The following MECOM variants were observed in gnomAD, a reference collection of about 807,000 sequenced individuals.
The protein encoded by MECOM is histone-lysine N-methyltransferase MECOM.
A neutral mutation model predicts 116.3 loss-of-function variants in MECOM; 13 were observed. The ratio of observed to expected loss-of-function variants is 0.11; its 90% CI spans 0.07 to 0.18. MECOM has a LOEUF of 0.18. Ranked by LOEUF, MECOM falls within the 10% of genes least tolerant of loss-of-function variation. The pLI is 1.00. For missense variants in MECOM, 1,299 were observed against 1,509.0 expected (o/e 0.86, Z 2.31); for synonymous variants, 528 against 535.2 (o/e 0.99, Z 0.19).
At chr3:169,088,857 T>A in intron 16 of MECOM, 143 bp downstream of exon 16, 1 of 657,676 alleles carries the variant, frequency 1.5e-6, no homozygotes, top group Non-Finnish European at 2.3e-6. Flanking sequence ...ACAGTAAAGA[T>A]ATGAACATTT....
intron 2 of MECOM, among the ~76,000 whole-genome samples, chr3:169,322,997 T>TAAAAA (rs748984561): frequency 1.4e-4 from 8 of 56,046 alleles, no homozygotes; most frequent in African/African-American, 3.5e-4. Context: ...AAGACTCCGG[T>TAAAAA]AAAAAAAAAA....
rs547773792 is a variant in MECOM, at chr3:169,233,544, A to C, written c.376-89712T>G. ...TTCTCATATAAATTCAACTCCTAAT[A>C]AATACTAAGCAGAGTTTCCTTAGAC... On this transcript the variant is annotated intron_variant, in intron 2 of 16. Transcript: ENST00000651503. Among the ~76,000 whole-genome samples the C allele has an allele frequency of 2.6e-5, 4 of 152,284 alleles. No individual in the cohort carries two copies. In the South Asian group the frequency reaches 8.3e-4, roughly 32 times the overall value.
intron 1 of MECOM, among the ~76,000 whole-genome samples, chr3:169,477,817 G>A (rs752831492): frequency 6.6e-5 from 10 of 152,180 alleles, no homozygotes; most frequent in South Asian, 2.1e-4. Context: ...AGTGATACAC[G>A]GCTTCAATAA....
At chr3:169,512,995 G>A (rs1756170823) in intron 1 of MECOM, among the ~76,000 whole-genome samples, 2 of 152,232 alleles carry the variant, frequency 1.3e-5, no homozygotes, top group African/African-American at 4.8e-5. Context: ...GATCCTTTGT[G>A]ACAATTCTAT....
At chr3:169,567,389 C>T (rs571529671) in intron 1 of MECOM, among the ~76,000 whole-genome samples, 35 of 152,280 alleles carry the variant, frequency 2.3e-4, no homozygotes, top group African/African-American at 7.9e-4. Flanking sequence ...ACTTGGATTC[C>T]GACTGAAGAC....
intron 16 of MECOM, 118 bp downstream of exon 16, chr3:169,088,882 G>A: frequency 1.1e-6 from 1 of 906,062 alleles, no homozygotes. Flanking sequence ...AAAGGCATCT[G>A]ACCCCATTTG....
chr3:169,595,692 A>C lies in MECOM; in HGVS notation c.37+67644T>G, dbSNP rs548465846. 1.4e-4 allele frequency among the ~76,000 whole-genome samples: 21 copies of C among 152,322 alleles called. No individual in the cohort carries two copies. In the South Asian group the frequency reaches 4.1e-3, roughly 30 times the overall value. On this transcript the variant is annotated intron_variant, in intron 1 of 16. Coordinates refer to ENST00000651503, the MANE Select transcript of MECOM (RefSeq NM_004991.4). ...TTGATCAAATTCAACCTTACACTTAATACAGTTAACTGTAGTTATTTAATT... is the reference window on the plus strand; with the variant it reads ...TTGATCAAATTCAACCTTACACTTACTACAGTTAACTGTAGTTATTTAATT...
chr3:169,598,191 G>A (rs887893073), intron 1 of MECOM, among the ~76,000 whole-genome samples: 8 of 152,120 alleles, frequency 5.3e-5, no homozygotes, highest in African/African-American at 1.7e-4. Context: ...CAACTGCCCT[G>A]CTATCAATCT....
intron 2 of MECOM, among the ~76,000 whole-genome samples, chr3:169,352,975 A>T (rs568128405): frequency 1.7e-4 from 26 of 152,034 alleles, no homozygotes; most frequent in Admixed American, 9.8e-4. Context: ...GTCTGGACCA[A>T]AACTATGCTG....
At chr3:169,184,787 C>T (rs7615487) in intron 2 of MECOM, among the ~76,000 whole-genome samples, 14,408 of 152,184 alleles carry the variant, frequency 0.095, 752 homozygotes, top group South Asian at 0.22. Flanking sequence ...AGGAGGGTCT[C>T]AAATGGAAAG....
At chr3:169,292,690 G>A (rs1714811767) in intron 2 of MECOM, among the ~76,000 whole-genome samples, 1 of 152,188 alleles carries the variant, frequency 6.6e-6, no homozygotes, top group African/African-American at 2.4e-5. Context: ...ATGGGAAGGG[G>A]AGGGTGAATT....
intron 1 of MECOM, among the ~76,000 whole-genome samples, chr3:169,561,674 C>A (rs1157538794): frequency 1.3e-5 from 2 of 152,092 alleles, no homozygotes; most frequent in African/African-American, 2.4e-5. Flanking sequence ...TCCAGAGGAC[C>A]TAAGTTCTAA....
At chr3:169,547,523 T>TCCA (rs1760875547) in intron 1 of MECOM, among the ~76,000 whole-genome samples, 1 of 152,188 alleles carries the variant, frequency 6.6e-6, no homozygotes. Context: ...GGGTTCATAC[T>TCCA]CCACCTCTGC....
chr3:169,627,452 G>T (rs1431941306), intron 1 of MECOM, among the ~76,000 whole-genome samples: 1 of 152,194 alleles, frequency 6.6e-6, no homozygotes, highest in Non-Finnish European at 1.5e-5. Flanking sequence ...ATTGGCATCA[G>T]CCAAGCAAAG....
At chr3:169,097,840 A>AG in intron 12 of MECOM, among the ~76,000 whole-genome samples, 2 of 140,600 alleles carry the variant, frequency 1.4e-5, no homozygotes, top group Non-Finnish European at 3.1e-5. Flanking sequence ...AAAAAAAAAA[A>AG]GGTGGATTCC....
At chr3:169,171,416 T>G (rs1037003595) in intron 2 of MECOM, among the ~76,000 whole-genome samples, 1 of 152,180 alleles carries the variant, frequency 6.6e-6, no homozygotes, top group African/African-American at 2.4e-5. Flanking sequence ...TCTTCATGTC[T>G]TATCCAGTGA....
chr3:169,541,524 C>T (rs912715214), intron 1 of MECOM, among the ~76,000 whole-genome samples: 7 of 152,230 alleles, frequency 4.6e-5, no homozygotes, highest in Admixed American at 4.6e-4. Flanking sequence ...GCATTTGTTT[C>T]CAACTCTGCG....
intron 2 of MECOM, among the ~76,000 whole-genome samples, chr3:169,303,340 GAT>G (rs148215690): frequency 4.7e-5 from 7 of 149,640 alleles, no homozygotes; most frequent in East Asian, 3.9e-4. Flanking sequence ...ACTTGAAACA[GAT>G]ATATATATAT....
At chr3:169,275,245 G>A (rs1759435377) in intron 2 of MECOM, among the ~76,000 whole-genome samples, 1 of 152,170 alleles carries the variant, frequency 6.6e-6, no homozygotes, top group South Asian at 2.1e-4. Context: ...TAAAAAGCCA[G>A]GAAATCAAAA....
Sources: allele counts gnomAD v4.1 joint callset (sites outside exome capture counted in the v4.1 genomes callset), GRCh38; gene constraint gnomAD v4.1.1; transcripts MANE v1.5; gene names NCBI Gene and HGNC (gene_info 2026-07-23, HGNC 2026-07-21).